Variants in GOLGA1 observed in about 807,000 individuals in gnomAD.
GOLGA1 encodes the protein golgin subfamily A member 1.
A neutral mutation model predicts 119.7 loss-of-function variants in GOLGA1; 63 were observed. The observed-to-expected ratio is 0.53, with a 90% CI of 0.43 to 0.65. The LOEUF (loss-of-function observed/expected upper bound fraction) is 0.65. Ranked by LOEUF, GOLGA1 falls within the 30% of genes least tolerant of loss-of-function variation. The pLI is 0.00. For missense variants in GOLGA1, 798 were observed against 912.8 expected (o/e 0.87, Z 1.62); for synonymous variants, 318 against 333.4 (o/e 0.95, Z 0.50).
chr9:124,879,963 T>G lies in GOLGA1; in HGVS notation c.*567A>C, dbSNP rs1829536224. 6.6e-6 allele frequency: 1 copy of G among 152,670 alleles called. No individual in the cohort carries two copies. The highest frequency in any genetic ancestry group is 6.5e-5 in the Admixed American group (1 of 15,294). The allele number at this position is 152,670 out of a possible 1,614,324, so 9.5% of individuals were successfully genotyped here. ...ATTCATCCACACCGACCCTTAAAGA[T>G]GGATCCTCTAAAGTTCTAGGTGGTT... On this transcript the variant is annotated 3_prime_UTR_variant, in exon 23 of 23. Transcript: ENST00000373555.
At chr9:124,943,545 G>A (rs1831093534), upstream of GOLGA1, 2 of 152,126 alleles carry the variant, frequency 1.3e-5, no homozygotes, top group Non-Finnish European at 2.9e-5. Context: ...AATCCCTATA[G>A]TGTTAAAATT....
At chr9:124,891,376 A>C (rs1829850840) in intron 15 of GOLGA1, among the ~76,000 whole-genome samples, 1 of 152,248 alleles carries the variant, frequency 6.6e-6, no homozygotes, top group African/African-American at 2.4e-5. Flanking sequence ...GATGGAGAAA[A>C]ACAATTCTAA....
Position 124,926,719 on chromosome 9 carries a change from T to C in GOLGA1, c.422A>G (p.Gln141Arg), listed in dbSNP as rs566707842. 164 of 1,586,290 alleles carry C rather than the reference T, an allele frequency of 1.0e-4. 4 individuals carry two copies. The South Asian group carries it at 1.7e-3, about 16-fold the overall frequency. The change falls in exon 7 of 23, where the codon CAG becomes CGG. Residue 141 changes from glutamine to arginine, a missense_variant. Transcript: ENST00000373555. ...TAAAGATGAACTAACCTTTTCAAGC[T>C]GATCCATCTTTTCTGACCATTCCTA... is the stretch of plus-strand genomic sequence containing the variant. ...KDQEWSEKMD[Q>R]LEKEKNILTA...
upstream of GOLGA1, among the ~76,000 whole-genome samples, chr9:124,941,480 G>A (rs900742649): frequency 6.6e-6 from 1 of 152,202 alleles, no homozygotes; most frequent in Non-Finnish European, 1.5e-5. Flanking sequence ...CGCGCCGCCC[G>A]GTCCCGCCGC....
upstream of GOLGA1, chr9:124,942,584 C>G (rs1831072987): frequency 6.6e-6 from 1 of 152,154 alleles, no homozygotes; most frequent in Non-Finnish European, 1.5e-5. Flanking sequence ...GTTCAGCTGT[C>G]AATACCGAAA....
In GOLGA1 at chr9:124,881,949, G is replaced by A; in HGVS notation, c.1971C>T (p.Ile657=). 6.3e-7 allele frequency: 1 copy of A among 1,599,170 alleles called. No individual in the cohort carries two copies. The highest frequency in any genetic ancestry group is 8.5e-7 in the Non-Finnish European group (1 of 1,174,136). The part of the protein sequence containing the change: ...LRKTLQKELK[I]RPDNELFEVR... ...CTTCGAAGAGCTCATTATCGGGTCTGATTTTCTGAAAAACCAGTGGGAAAG... is the reference window on the plus strand; with the variant it reads ...CTTCGAAGAGCTCATTATCGGGTCTAATTTTCTGAAAAACCAGTGGGAAAG... Residue 657 remains isoleucine, a synonymous_variant, in exon 21 of 23, where the codon ATC becomes ATT. Transcript: ENST00000373555. This position sits in a 1 kb window ranked among gnomAD's most constrained non-coding sequence, Gnocchi z 4.9.
chr9:124,920,551 GA>G (rs1211347048), intron 10 of GOLGA1, among the ~76,000 whole-genome samples: 1 of 152,082 alleles, frequency 6.6e-6, no homozygotes, highest in Non-Finnish European at 1.5e-5. Context: ...AAACAAACTG[GA>G]TTAGAGCCAA....
intron 12 of GOLGA1, among the ~76,000 whole-genome samples, chr9:124,902,339 C>T (rs1034369000): frequency 6.6e-6 from 1 of 151,532 alleles, no homozygotes; most frequent in Non-Finnish European, 1.5e-5. Flanking sequence ...GTCTCGATCT[C>T]CTGACCTCAT....
At chr9:124,885,472 G>GA (rs1455868560) in intron 19 of GOLGA1, among the ~76,000 whole-genome samples, 1 of 145,944 alleles carries the variant, frequency 6.9e-6, no homozygotes. Flanking sequence ...GTGACAGGGG[G>GA]AGACTCTGTC....
chr9:124,927,949 T>G (rs1830704470), intron 6 of GOLGA1, among the ~76,000 whole-genome samples: 1 of 152,204 alleles, frequency 6.6e-6, no homozygotes, highest in African/African-American at 2.4e-5. Flanking sequence ...CCCTTCTCAA[T>G]TTTATGAAAC....
chr9:124,881,170 C>T lies in GOLGA1; in HGVS notation c.2223+1G>A. On this transcript the variant is annotated splice_donor_variant, in intron 22 of 22. Coordinates refer to ENST00000373555, the MANE Select transcript of GOLGA1 (RefSeq NM_002077.4). LOFTEE classifies it high-confidence loss of function. This position sits in a 1 kb window ranked among gnomAD's most constrained non-coding sequence, Gnocchi z 4.9. ...TGGAACAGTAGACCAGAGAACCCTA[C>T]CTTATATTCCAGAGTTTCCTTGAGC... The T allele has an allele frequency of 6.8e-7, 1 of 1,470,506 alleles. No individual in the cohort carries two copies. The highest frequency in any genetic ancestry group is 9.5e-7 in the Non-Finnish European group (1 of 1,048,114). The allele number at this position is 1,470,506 out of a possible 1,614,324, so 91.1% of individuals were successfully genotyped here.
chr9:124,883,292 CT>C (rs777169563), intron 19 of GOLGA1, among the ~76,000 whole-genome samples: 1,682 of 140,978 alleles, frequency 0.012, 79 homozygotes, highest in Admixed American at 0.087. Flanking sequence ...TCTTCTCCTT[CT>C]TTTTTTTTTA....
At position 124,881,694 on chromosome 9, in the gene GOLGA1, A is replaced by C; in HGVS notation, c.2136+90T>G. On this transcript the variant is annotated intron_variant, in intron 21 of 22. Transcript: ENST00000373555. The surrounding 1 kb of genome is among the most constrained non-coding windows in gnomAD (Gnocchi z 4.9). ...GGCGTCAAACCAGGATGTACGAGGA[A>C]AAGAGAGAAAGGGGCTGGGCAGGGG... 1 of 874,222 alleles carries C rather than the reference A, an allele frequency of 1.1e-6. No homozygotes were observed. The highest frequency in any genetic ancestry group is 1.8e-6 in the Non-Finnish European group (1 of 555,454). 54.2% of individuals were successfully genotyped at this position (874,222 alleles called of 1,614,324 possible).
intron 4 of GOLGA1, 34 bp downstream of exon 4, chr9:124,931,282 C>T (rs1163714068): frequency 1.0e-6 from 1 of 979,230 alleles, no homozygotes; most frequent in East Asian, 2.4e-5. Flanking sequence ...GGCAAGTTTC[C>T]TGTTGTTTGC....
intron 19 of GOLGA1, among the ~76,000 whole-genome samples, chr9:124,883,018 A>G (rs1829627307): frequency 1.3e-5 from 2 of 152,224 alleles, no homozygotes; most frequent in African/African-American, 2.4e-5. Flanking sequence ...ATAATCTGCA[A>G]TGCTTATTTT....
chr9:124,906,138 A>AATAAATAAATAC (rs1227951548), intron 12 of GOLGA1, among the ~76,000 whole-genome samples: 1 of 150,740 alleles, frequency 6.6e-6, no homozygotes, highest in Non-Finnish European at 1.5e-5. Context: ...TAAATAAATA[A>AATAAATAAATAC]ATAAATAAAT....
chr9:124,895,463 AC>A, intron 15 of GOLGA1, among the ~76,000 whole-genome samples: 1 of 130,238 alleles, frequency 7.7e-6, no homozygotes, highest in African/African-American at 3.0e-5. Context: ...ACAACAGAGA[AC>A]CCTCCACAAC....
chr9:124,912,232 G>A (rs1830355282), intron 10 of GOLGA1, among the ~76,000 whole-genome samples: 1 of 152,146 alleles, frequency 6.6e-6, no homozygotes, highest in Non-Finnish European at 1.5e-5. Flanking sequence ...CAGACCTAGT[G>A]CAGCAAGAAG....
At chr9:124,890,581 G>C in intron 15 of GOLGA1, 103 bp from the exon 16 acceptor site, 1 of 854,022 alleles carries the variant, frequency 1.2e-6, no homozygotes, top group Non-Finnish European at 2.0e-6. Context: ...TGCAGAGCCA[G>C]ACCAACATGC....
Sources: gnomAD v4.1 joint callset for allele counts (sites outside exome capture counted in the v4.1 genomes callset) on GRCh38, gnomAD v4.1.1 for gene constraint, Gnocchi (gnomAD v3.1) non-coding constraint, MANE v1.5 for transcripts, NCBI Gene and HGNC (gene_info 2026-07-23, HGNC 2026-07-21) for gene names.